The following ATP8A2 variants were observed in gnomAD, a reference collection of about 807,000 sequenced individuals.
ATP8A2 encodes phospholipid-transporting ATPase IB.
In ATP8A2, 100 loss-of-function variants were observed where a neutral mutation model predicts 165.6. The ratio of observed to expected loss-of-function variants is 0.60; its 90% CI spans 0.51 to 0.71. The LOEUF is 0.71. ATP8A2 is among the 30% of genes least tolerant of loss of function. ATP8A2 has a pLI of 0.00. For missense variants in ATP8A2, 1,227 were observed against 1,479.5 expected (o/e 0.83, Z 2.80); for synonymous variants, 543 against 548.8 (o/e 0.99, Z 0.15).
chr13:25,442,712 G>A (rs2034965792), intron 1 of ATP8A2, among the ~76,000 whole-genome samples: 1 of 152,192 alleles, frequency 6.6e-6, no homozygotes, highest in African/African-American at 2.4e-5. Flanking sequence ...GTATCTCATT[G>A]TACTTTTGAT....
At chr13:25,752,443 G>T (rs1459257854) in intron 25 of ATP8A2, among the ~76,000 whole-genome samples, 2 of 152,026 alleles carry the variant, frequency 1.3e-5, no homozygotes, top group East Asian at 3.9e-4. Flanking sequence ...GGGCGACAGA[G>T]TGAGACTCTG....
At chr13:25,843,320 C>T (rs183188681) in intron 30 of ATP8A2, among the ~76,000 whole-genome samples, 94 of 152,288 alleles carry the variant, frequency 6.2e-4, no homozygotes, top group Middle Eastern at 3.4e-3. Flanking sequence ...GCTCGGGACA[C>T]TGGGCATTCC....
intron 24 of ATP8A2, among the ~76,000 whole-genome samples, chr13:25,613,442 T>C (rs1391022073): frequency 6.6e-6 from 1 of 151,984 alleles, no homozygotes; most frequent in African/African-American, 2.4e-5. Flanking sequence ...GGTGTGGTGG[T>C]GTGCACCTGT....
intron 28 of ATP8A2, among the ~76,000 whole-genome samples, chr13:25,829,720 A>ATATC (rs1951416442): frequency 9.7e-6 from 1 of 103,566 alleles, no homozygotes; most frequent in Non-Finnish European, 1.9e-5. Flanking sequence ...ATATATATAT[A>ATATC]TCACCTGCTT....
intron 27 of ATP8A2, among the ~76,000 whole-genome samples, chr13:25,820,114 G>A (rs1053071511): frequency 1.3e-5 from 2 of 152,286 alleles, no homozygotes; most frequent in Non-Finnish European, 2.9e-5. Context: ...TGAGAGTGGC[G>A]GCAGGTACAA....
chr13:25,467,181 G>A (rs918468151), intron 1 of ATP8A2, among the ~76,000 whole-genome samples: 1 of 152,160 alleles, frequency 6.6e-6, no homozygotes, highest in Non-Finnish European at 1.5e-5. Context: ...GAGGGATCCT[G>A]TCTGAGTGAG....
intron 1 of ATP8A2, among the ~76,000 whole-genome samples, chr13:25,410,720 G>T (rs61947563): frequency 0.03 from 4,618 of 152,268 alleles, 104 homozygotes; most frequent in East Asian, 0.1. Context: ...TCACTTGTAT[G>T]TTCAGTGTCT....
At chr13:25,576,562 C>T (rs570354296) in intron 19 of ATP8A2, among the ~76,000 whole-genome samples, 15 of 149,164 alleles carry the variant, frequency 1.0e-4, no homozygotes, top group Non-Finnish European at 1.6e-4. Flanking sequence ...GTAGATGCTG[C>T]GGTGAGGGGA....
intron 27 of ATP8A2, among the ~76,000 whole-genome samples, chr13:25,824,083 G>T (rs534591467): frequency 6.6e-6 from 1 of 152,240 alleles, no homozygotes; most frequent in Admixed American, 6.5e-5. Context: ...TGATTCTCCT[G>T]CCTCAGCCTT....
At chr13:25,480,794 C>T (rs1364157727) in intron 2 of ATP8A2, among the ~76,000 whole-genome samples, 42 of 149,698 alleles carry the variant, frequency 2.8e-4, no homozygotes, top group Admixed American at 1.3e-3. Flanking sequence ...CTTTGGGAGG[C>T]CAAGGCAGGT....
chr13:26,014,275 T>A (rs1956915153), intron 36 of ATP8A2, among the ~76,000 whole-genome samples: 1 of 152,114 alleles, frequency 6.6e-6, no homozygotes, highest in South Asian at 2.1e-4. Context: ...CACCCACAGC[T>A]GCACAGAAAG....
intron 25 of ATP8A2, among the ~76,000 whole-genome samples, chr13:25,768,361 G>C (rs2044540915): frequency 6.6e-6 from 1 of 152,058 alleles, no homozygotes; most frequent in Admixed American, 6.6e-5. Context: ...ATTCCTTGTG[G>C]AAAGAACCCT....
At chr13:25,829,897 A>C (rs1951420313) in intron 28 of ATP8A2, among the ~76,000 whole-genome samples, 3 of 151,206 alleles carry the variant, frequency 2.0e-5, no homozygotes, top group Non-Finnish European at 4.4e-5. Context: ...TGGTCAAAAT[A>C]AGGCCCACAG....
chr13:25,615,005 C>T (rs973658727), intron 24 of ATP8A2, among the ~76,000 whole-genome samples: 16 of 152,180 alleles, frequency 1.1e-4, no homozygotes, highest in African/African-American at 1.9e-4. Context: ...AAGAGACCAT[C>T]GGCTTTGGTA....
intron 25 of ATP8A2, among the ~76,000 whole-genome samples, chr13:25,720,222 C>T (rs537790376): frequency 7.1e-6 from 1 of 140,920 alleles, no homozygotes; most frequent in East Asian, 2.1e-4. Context: ...GGCTGGACTG[C>T]AGTGGTGCAA....
chr13:25,663,284 A>G (rs1593159564), intron 24 of ATP8A2, among the ~76,000 whole-genome samples: 1 of 152,330 alleles, frequency 6.6e-6, no homozygotes, highest in Middle Eastern at 3.4e-3. Flanking sequence ...TGACTTTAGC[A>G]TCAATATTAA....
intron 1 of ATP8A2, among the ~76,000 whole-genome samples, chr13:25,439,854 C>A (rs1339704189): frequency 6.6e-6 from 1 of 151,744 alleles, no homozygotes; most frequent in African/African-American, 2.4e-5. Context: ...TTATGGTAAG[C>A]TATGATTGTG....
chr13:25,387,301 C>T (rs1260755222), intron 1 of ATP8A2, among the ~76,000 whole-genome samples: 1 of 152,174 alleles, frequency 6.6e-6, no homozygotes, highest in East Asian at 1.9e-4. Flanking sequence ...TTTTCCAGAC[C>T]TGAAACTTTT....
At chr13:25,525,245 A>G (rs2037806063) in intron 2 of ATP8A2, among the ~76,000 whole-genome samples, 1 of 152,088 alleles carries the variant, frequency 6.6e-6, no homozygotes, top group African/African-American at 2.4e-5. Flanking sequence ...GGATATATTT[A>G]TACTGCCTAT....
Sources: gnomAD v4.1 joint callset for allele counts (sites outside exome capture counted in the v4.1 genomes callset) on GRCh38, gnomAD v4.1.1 for gene constraint, MANE v1.5 for transcripts, NCBI Gene and HGNC (gene_info 2026-07-23, HGNC 2026-07-21) for gene names.